The following STK33 variants were observed in gnomAD, a reference collection of about 807,000 sequenced individuals.
The protein encoded by STK33 is serine/threonine-protein kinase 33.
Under a neutral mutation model 58.0 loss-of-function variants are expected in STK33, and 52 were observed. The ratio of observed to expected loss-of-function variants is 0.90; its 90% CI spans 0.72 to 1.13. STK33 has a LOEUF of 1.13. Among genes scored for constraint, STK33 ranks in the 50% most tolerant of loss-of-function variants. The pLI is 0.00. For synonymous variants in STK33, 215 were observed against 200.1 expected (o/e 1.07, Z -0.63); for missense variants, 630 against 604.2 (o/e 1.04, Z -0.45).
intron 8 of STK33, among the ~76,000 whole-genome samples, chr11:8,460,766 T>C (rs1374894591): frequency 1.3e-5 from 2 of 152,052 alleles, no homozygotes; most frequent in Non-Finnish European, 2.9e-5. Context: ...CGAACAAAAC[T>C]ATTCTAAGAA....
chr11:8,467,201 G>A (rs1948290687), intron 6 of STK33: 1 of 152,190 alleles, frequency 6.6e-6, no homozygotes, highest in South Asian at 2.1e-4. Context: ...CAGCCAGCTT[G>A]AATTTCTCCT....
chr11:8,341,718 A>G, the STK33 span, among the ~76,000 whole-genome samples: 118 of 152,360 alleles, frequency 7.7e-4, 1 homozygote, highest in Non-Finnish European at 1.4e-3. Flanking sequence ...TCATGAAGTC[A>G]GACCCAAATG....
chr11:8,475,765 A>G (rs1393036943), intron 4 of STK33: 3 of 152,104 alleles, frequency 2.0e-5, no homozygotes, highest in Admixed American at 6.6e-5. Flanking sequence ...AGAAAAATAC[A>G]CTCTGCAGTA....
chr11:8,422,172 T>C (rs1199284567), intron 14 of STK33, among the ~76,000 whole-genome samples: 1 of 152,164 alleles, frequency 6.6e-6, no homozygotes, highest in African/African-American at 2.4e-5. Flanking sequence ...TTCTTTTTAA[T>C]CATGAATACA....
intron 12 of STK33, among the ~76,000 whole-genome samples, chr11:8,436,600 T>C (rs1346054077): frequency 6.6e-6 from 1 of 152,202 alleles, no homozygotes; most frequent in Non-Finnish European, 1.5e-5. Flanking sequence ...GTCTAACTAG[T>C]TACCAAAGTC....
chr11:8,370,148 T>A, the STK33 span, among the ~76,000 whole-genome samples: 1 of 151,898 alleles, frequency 6.6e-6, no homozygotes, highest in Non-Finnish European at 1.5e-5. Flanking sequence ...GCGGTAGAGC[T>A]AAGGGGGAAC....
chr11:8,430,098 T>C (rs568015514), intron 14 of STK33, among the ~76,000 whole-genome samples: 18 of 152,268 alleles, frequency 1.2e-4, no homozygotes, highest in Non-Finnish European at 2.1e-4. Flanking sequence ...CATTGCCAAA[T>C]GAATCAAATG....
chr11:8,430,272 T>C (rs1323584443), intron 14 of STK33, among the ~76,000 whole-genome samples: 1 of 152,212 alleles, frequency 6.6e-6, no homozygotes, highest in Non-Finnish European at 1.5e-5. Context: ...GAAAAGTTAT[T>C]TCTATCTAGA....
chr11:8,500,774 T>G (rs1225583511), intron 1 of STK33, among the ~76,000 whole-genome samples: 1 of 152,188 alleles, frequency 6.6e-6, no homozygotes, highest in Non-Finnish European at 1.5e-5. Context: ...CTTAATGATT[T>G]TAAAGCTTAC....
At chr11:8,421,002 G>A (rs1941839340) in intron 14 of STK33, among the ~76,000 whole-genome samples, 1 of 151,394 alleles carries the variant, frequency 6.6e-6, no homozygotes, top group African/African-American at 2.4e-5. Flanking sequence ...AAGGGGAGGG[G>A]GGGAATATTT....
intron 1 of STK33, among the ~76,000 whole-genome samples, chr11:8,544,229 C>G (rs1028767557): frequency 2.3e-4 from 35 of 150,874 alleles, no homozygotes; most frequent in African/African-American, 8.3e-4. Flanking sequence ...TCTCATTGTT[C>G]AACTCCCACT....
chr11:8,345,131 T>A, the STK33 span, among the ~76,000 whole-genome samples: 3 of 152,122 alleles, frequency 2.0e-5, no homozygotes, highest in Non-Finnish European at 4.4e-5. Context: ...AAGAATGAAG[T>A]TGGATCCCCA....
intron 11 of STK33, among the ~76,000 whole-genome samples, chr11:8,442,016 C>A (rs986659422): frequency 3.3e-4 from 45 of 136,088 alleles, no homozygotes; most frequent in Non-Finnish European, 2.7e-4. Context: ...CTCCCACCTA[C>A]ACATACCTAC....
downstream of STK33, among the ~76,000 whole-genome samples, chr11:8,388,625 C>T (rs1000809701): frequency 6.6e-6 from 1 of 152,156 alleles, no homozygotes; most frequent in Non-Finnish European, 1.5e-5. Context: ...GCCCAGGAGA[C>T]GTCTTGTCTT....
At chr11:8,479,434 A>C (rs1204415923) in intron 2 of STK33, among the ~76,000 whole-genome samples, 2 of 151,000 alleles carry the variant, frequency 1.3e-5, no homozygotes, top group Non-Finnish European at 3.0e-5. Context: ...TCCGTCTCAA[A>C]AAAAAAAAAA....
chr11:8,341,847 G>C, the STK33 span, among the ~76,000 whole-genome samples: 2 of 152,338 alleles, frequency 1.3e-5, no homozygotes, highest in East Asian at 3.9e-4. Flanking sequence ...CTAAATTGTT[G>C]TGATCATGAG....
intron 1 of STK33, among the ~76,000 whole-genome samples, chr11:8,517,198 G>A (rs1040534657): frequency 2.6e-5 from 4 of 152,178 alleles, no homozygotes; most frequent in East Asian, 1.9e-4. Context: ...TGCAGCCTCC[G>A]CTGGTGATAC....
chr11:8,391,373 C>A (rs1238720526), downstream of STK33, among the ~76,000 whole-genome samples: 1 of 152,212 alleles, frequency 6.6e-6, no homozygotes, highest in Non-Finnish European at 1.5e-5. Context: ...AAAATACTGG[C>A]AGAACCACGT....
chr11:8,397,916 G>T (rs1342530194), intron 15 of STK33, among the ~76,000 whole-genome samples: 1 of 152,110 alleles, frequency 6.6e-6, no homozygotes, highest in African/African-American at 2.4e-5. Context: ...AGAGAAAAAA[G>T]AATAAAAAGA....
Sources: allele counts gnomAD v4.1 joint callset (sites outside exome capture counted in the v4.1 genomes callset), GRCh38; gene constraint gnomAD v4.1.1; transcripts MANE v1.5; gene names NCBI Gene and HGNC (gene_info 2026-07-23, HGNC 2026-07-21).